Variants in NAE1 observed in about 807,000 individuals in gnomAD.
NAE1 encodes the protein NEDD8 activating enzyme E1 subunit 1.
Under a neutral mutation model 88.0 loss-of-function variants are expected in NAE1, and 59 were observed. That is an observed-to-expected ratio of 0.67 (90% confidence interval 0.54 to 0.83). NAE1 has a LOEUF of 0.83. Among genes scored for constraint, NAE1 ranks in the 40% least tolerant of loss-of-function variants. The pLI, the probability that NAE1 is intolerant of heterozygous loss-of-function variation, is 0.00. For missense variants in NAE1, 554 were observed against 632.8 expected (o/e 0.88, Z 1.34); for synonymous variants, 186 against 208.9 (o/e 0.89, Z 0.95).
chr16:66,817,242 T>C, intron 9 of NAE1, 183 bp downstream of exon 9: 3 of 901,712 alleles, frequency 3.3e-6, no homozygotes, highest in Non-Finnish European at 5.1e-6. Flanking sequence ...TTGAATTTCA[T>C]TTTAATTAAA....
Position 66,813,654 on chromosome 16 carries a change from A to T in NAE1, c.944T>A (p.Val315Glu). The stretch of plus-strand genomic sequence containing the variant: ...TAAATTTCCTTGACCCTCTTTGGCC[A>T]CAAATTCCTTTAAGGCACGAGCTAA... ...WILARALKEF[V>E]AKEGQGNLPV... Residue 315 changes from valine to glutamate, a missense_variant, in exon 13 of 20, where the codon GTG becomes GAG. Coordinates refer to ENST00000290810, the MANE Select transcript of NAE1 (RefSeq NM_003905.4). The T allele has an allele frequency of 6.2e-7, 1 of 1,614,062 alleles. No homozygotes were observed. Among genetic ancestry groups the T allele is most frequent in the Non-Finnish European group, 8.5e-7 (1 of 1,179,944 alleles).
At chr16:66,812,609 C>T (rs1459175088) in intron 13 of NAE1, among the ~76,000 whole-genome samples, 1 of 150,240 alleles carries the variant, frequency 6.7e-6, no homozygotes, top group Non-Finnish European at 1.5e-5. Flanking sequence ...CCTCCGTCTC[C>T]TGGGTTCAAG....
At position 66,806,054 on chromosome 16, in the gene NAE1, A is replaced by C. The variant is rs750384122; in HGVS notation, c.1331-28T>G. On this transcript the variant is annotated intron_variant, in intron 17 of 19. Transcript: ENST00000290810. ...AAAAATAAAAGTTAGTTTTCATTAAAATAAATGTGATTCAAAATTAATGGC... is the reference window on the plus strand; with the variant it reads ...AAAAATAAAAGTTAGTTTTCATTAACATAAATGTGATTCAAAATTAATGGC... The C allele has an allele frequency of 3.3e-5, 52 of 1,577,182 alleles. No individual in the cohort carries two copies. In the Admixed American group the frequency reaches 3.6e-4, roughly 11 times the overall value.
chr16:66,810,537 A>T, intron 14 of NAE1, 124 bp from the exon 15 acceptor site: 1 of 1,129,742 alleles, frequency 8.9e-7, no homozygotes, highest in Non-Finnish European at 1.3e-6. Flanking sequence ...GCACTTTAAA[A>T]ATATCTTGTT....
At chr16:66,820,979 G>C (rs902172062) in intron 7 of NAE1, among the ~76,000 whole-genome samples, 2 of 152,126 alleles carry the variant, frequency 1.3e-5, no homozygotes, top group East Asian at 1.9e-4. Flanking sequence ...TGAGGCAGGA[G>C]AATCAGTTGA....
intron 7 of NAE1, among the ~76,000 whole-genome samples, chr16:66,819,860 CCT>C (rs1040208999): frequency 6.6e-6 from 1 of 152,044 alleles, no homozygotes; most frequent in Non-Finnish European, 1.5e-5. Context: ...TATTATCTAC[CCT>C]CTCTTCTTCT....
chr16:66,806,096 T>G, intron 17 of NAE1, 70 bp from the exon 18 acceptor site: 1 of 1,465,092 alleles, frequency 6.8e-7, no homozygotes, highest in Non-Finnish European at 9.1e-7. Flanking sequence ...CTTTATTTAA[T>G]CTAGTTTCAG....
rs1427180429 is a variant in NAE1, at chr16:66,810,421, G to A, written c.1111-8C>T. Reference sequence around the variant, plus strand: ...TGAAATGGACTCTGGTGCCTGTAAAGAGATAAATACAGATTCTGTTCCAGT... The same window carrying A: ...TGAAATGGACTCTGGTGCCTGTAAAAAGATAAATACAGATTCTGTTCCAGT... On this transcript the variant is annotated splice_polypyrimidine_tract_variant and splice_region_variant and intron_variant, in intron 14 of 19. Coordinates refer to ENST00000290810, the MANE Select transcript of NAE1 (RefSeq NM_003905.4). 5.0e-6 allele frequency: 8 copies of A among 1,598,092 alleles called. No individual in the cohort carries two copies. Among genetic ancestry groups the A allele is most frequent in the Non-Finnish European group, 6.9e-6 (8 of 1,167,716 alleles).
chr16:66,826,703 T>C lies in NAE1; in HGVS notation c.131A>G (p.Glu44Gly). The C allele has an allele frequency of 6.2e-7, 1 of 1,614,090 alleles. No individual in the cohort carries two copies. Among genetic ancestry groups the C allele is most frequent in the Non-Finnish European group, 8.5e-7 (1 of 1,179,988 alleles). ...CLINATATGT[E>G]ILKNLVLPGI... ...TGGTAGTACCAAGTTTTTAAGAATT[T>C]CAGTTCCTGTGGCTGTTGCATTTAT... is the stretch of plus-strand genomic sequence containing the variant. The change falls in exon 2 of 20, where the codon GAA becomes GGA. Residue 44 changes from glutamate (E) to glycine (G), a missense_variant. By Grantham distance (98) the Glu-to-Gly change is moderately conservative. Transcript: ENST00000290810.
Position 66,809,033 on chromosome 16 carries a change from A to G in NAE1, c.1193T>C (p.Leu398Ser), listed in dbSNP as rs1436723862. The G allele has an allele frequency of 6.2e-7, 1 of 1,612,822 alleles. No homozygotes were observed. Among genetic ancestry groups the G allele is most frequent in the Non-Finnish European group, 8.5e-7 (1 of 1,179,170 alleles). ...TGTATCCAAACCATATTCTTCAGCT[A>G]AGGATCGACATCTTACCACTCGAAG... ...AFLRVVRCRSLAEEYGLDTIN... is the reference protein window; with the variant it reads ...AFLRVVRCRSSAEEYGLDTIN... The change falls in exon 16 of 20, where the codon TTA becomes TCA. Residue 398 changes from leucine (L) to serine (S), a missense_variant. By Grantham distance (145) the Leu-to-Ser change is moderately radical. Coordinates refer to ENST00000290810, the MANE Select transcript of NAE1 (RefSeq NM_003905.4).
chr16:66,824,552 A>T (rs1960387501), intron 4 of NAE1: 1 of 189,400 alleles, frequency 5.3e-6, no homozygotes, highest in African/African-American at 2.4e-5. Context: ...AGATCGCGCC[A>T]CTGCACTCCA....
At chr16:66,804,166 T>C (rs954621265) in intron 19 of NAE1, among the ~76,000 whole-genome samples, 1 of 151,314 alleles carries the variant, frequency 6.6e-6, no homozygotes, top group South Asian at 2.1e-4. Context: ...AGACAGCATT[T>C]GAATAAAACC....
At chr16:66,806,795 C>CTCAAAACAG (rs1359309624) in intron 17 of NAE1, among the ~76,000 whole-genome samples, 1 of 152,106 alleles carries the variant, frequency 6.6e-6, no homozygotes, top group Non-Finnish European at 1.5e-5. Context: ...TGATTGAATC[C>CTCAAAACAG]TCAAAACAGT....
At chr16:66,815,577 G>C (rs1201626757) in intron 11 of NAE1, among the ~76,000 whole-genome samples, 1 of 151,856 alleles carries the variant, frequency 6.6e-6, no homozygotes, top group Non-Finnish European at 1.5e-5. Flanking sequence ...GGCTGGTCTT[G>C]AACTGGGCTC....
At chr16:66,817,183 G>A (rs987314910) in intron 9 of NAE1, 155 bp from the exon 10 acceptor site, 1 of 1,088,088 alleles carries the variant, frequency 9.2e-7, no homozygotes, top group East Asian at 2.7e-5. Context: ...CAGACACTGT[G>A]ACCATTTATC....
intron 1 of NAE1, 81 bp downstream of exon 1, chr16:66,830,766 C>G: frequency 7.3e-7 from 1 of 1,363,780 alleles, no homozygotes; most frequent in Non-Finnish European, 9.9e-7. Flanking sequence ...AAGGCCCGAC[C>G]GCGCCGCCCG....
At chr16:66,826,434 G>C in intron 3 of NAE1, 89 bp downstream of exon 3, 1 of 1,210,322 alleles carries the variant, frequency 8.3e-7, no homozygotes, top group Non-Finnish European at 1.2e-6. Flanking sequence ...TTTCCACTGA[G>C]AGTCGAGTCA....
At chr16:66,806,493 C>T (rs1959572687) in intron 17 of NAE1, among the ~76,000 whole-genome samples, 1 of 151,834 alleles carries the variant, frequency 6.6e-6, no homozygotes, top group Admixed American at 6.6e-5. Context: ...GGTGCAGTCT[C>T]GGCTCACCGC....
At chr16:66,827,834 T>G (rs1391287631) in intron 1 of NAE1, 2 of 650,888 alleles carry the variant, frequency 3.1e-6, no homozygotes, top group African/African-American at 1.8e-5. Flanking sequence ...CTCCAGAGCA[T>G]GTCAAGCAAC....
Sources: allele counts gnomAD v4.1 joint callset (sites outside exome capture counted in the v4.1 genomes callset), GRCh38; gene constraint gnomAD v4.1.1; transcripts MANE v1.5; gene names NCBI Gene and HGNC (gene_info 2026-07-23, HGNC 2026-07-21).